Variants in CHD5 observed in about 807,000 individuals in gnomAD.
CHD5 encodes ATP-dependent chromatin remodeler CHD5.
Under a neutral mutation model 230.3 loss-of-function variants are expected in CHD5, and 69 were observed. The ratio of observed to expected loss-of-function variants is 0.30; its 90% CI spans 0.25 to 0.37. The LOEUF is 0.37. CHD5 is among the 10% of genes least tolerant of loss of function. The pLI, the probability that CHD5 is intolerant of heterozygous loss-of-function variation, is 1.00. For synonymous variants in CHD5, 1,064 were observed against 1,065.9 expected (o/e 1.00, Z 0.03); for missense variants, 1,827 against 2,622.8 (o/e 0.70, Z 6.63).
At chr1:6,153,527 C>T (rs1667037242) in intron 5 of CHD5, among the ~76,000 whole-genome samples, 1 of 152,188 alleles carries the variant, frequency 6.6e-6, no homozygotes, top group African/African-American at 2.4e-5. Flanking sequence ...CCCTCAGCCC[C>T]TTCCATCAAA....
At chr1:6,141,264 G>A (rs1438208980) in intron 15 of CHD5, among the ~76,000 whole-genome samples, 2 of 150,780 alleles carry the variant, frequency 1.3e-5, no homozygotes, top group African/African-American at 2.4e-5. Context: ...CAGCCTGGGC[G>A]ACAGAGTGAG....
chr1:6,173,797 G>A (rs923966929), intron 1 of CHD5, among the ~76,000 whole-genome samples: 3 of 152,192 alleles, frequency 2.0e-5, no homozygotes, highest in African/African-American at 7.2e-5. Flanking sequence ...CTAGACGCTG[G>A]CCAAGGAGTT....
Position 6,146,368 on chromosome 1 carries a change from T to C in CHD5, c.1646A>G (p.Asp549Gly). 1 of 1,614,160 alleles carries C rather than the reference T, an allele frequency of 6.2e-7. No individual in the cohort carries two copies. Among genetic ancestry groups the C allele is most frequent in the South Asian group, 1.1e-5 (1 of 91,082 alleles). The change falls in exon 11 of 42, where the codon GAT (aspartate) becomes GGT (glycine). Residue 549 changes from aspartate (D) to glycine (G), a missense_variant. Around this residue, in one of 14 missense-constraint regions of CHD5, gnomAD observed 657 missense variants for 816.4 expected, o/e 0.80. Coordinates refer to ENST00000262450, the MANE Select transcript of CHD5 (RefSeq NM_015557.3). The surrounding 1 kb of genome is among the most constrained non-coding windows in gnomAD (Gnocchi z 5.1). ...GCCGTAGTCAAAGGGGGGCGGCTCA[T>C]CCATGTCGTTCTTTCTTTGGTAGTT... Reference protein sequence around the residue: ...YRNYQRKNDMDEPPPFDYGSG... With the variant: ...YRNYQRKNDMGEPPPFDYGSG...
chr1:6,161,577 C>G (rs1474503886), intron 2 of CHD5, among the ~76,000 whole-genome samples: 1 of 152,244 alleles, frequency 6.6e-6, no homozygotes, highest in East Asian at 1.9e-4. Flanking sequence ...ACTGACACAG[C>G]CACTGGCTGG....
chr1:6,124,290 A>G (rs1015936900), intron 30 of CHD5, among the ~76,000 whole-genome samples, 183 bp from the exon 31 acceptor site: 2 of 40,894 alleles, frequency 4.9e-5, no homozygotes, highest in Non-Finnish European at 1.0e-4. Flanking sequence ...CCACCCTCCC[A>G]CCCTCTGTGT....
chr1:6,131,485 T>C lies in CHD5; in HGVS notation c.3262+146A>G, dbSNP rs1337889341. 3 of 554,106 alleles carry C rather than the reference T, an allele frequency of 5.4e-6. No homozygotes were observed. The highest frequency in any genetic ancestry group is 3.7e-5 in the African/African-American group (2 of 53,532). The allele number at this position is 554,106 out of a possible 1,614,324, so 34.3% of individuals were successfully genotyped here. On this transcript the variant is annotated intron_variant, in intron 21 of 41. Transcript: ENST00000262450. This position sits in a 1 kb window ranked among gnomAD's most constrained non-coding sequence, Gnocchi z 5.0. ...TTCCATGGGAGGAATCCTTTTAACA[T>C]TGGAAACTCGGACTGGCCTGCTGTC...
At chr1:6,179,229 G>C (rs1005835593) in intron 1 of CHD5, among the ~76,000 whole-genome samples, 14 of 152,230 alleles carry the variant, frequency 9.2e-5, no homozygotes, top group African/African-American at 3.1e-4. Context: ...GGCTGGGAAC[G>C]GCCACCACCC....
At chr1:6,120,561 T>G (rs1399180940) in intron 33 of CHD5, among the ~76,000 whole-genome samples, 1 of 150,846 alleles carries the variant, frequency 6.6e-6, no homozygotes, top group East Asian at 1.9e-4. Flanking sequence ...CCCAGCACTT[T>G]GGGAGGCCGA....
At chr1:6,123,004 T>C (rs1571144947) in intron 31 of CHD5, among the ~76,000 whole-genome samples, 1 of 150,466 alleles carries the variant, frequency 6.6e-6, no homozygotes, top group South Asian at 2.1e-4. Flanking sequence ...GAGGCGGAGG[T>C]TGCAGTGAGC....
At chr1:6,138,816 T>G (rs1666783712) in intron 15 of CHD5, among the ~76,000 whole-genome samples, 1 of 152,156 alleles carries the variant, frequency 6.6e-6, no homozygotes, top group Non-Finnish European at 1.5e-5. Context: ...ACACCCATAA[T>G]CCTTCCCATC....
intron 2 of CHD5, among the ~76,000 whole-genome samples, chr1:6,159,975 T>C (rs1316591002): frequency 6.8e-6 from 1 of 147,148 alleles, no homozygotes; most frequent in East Asian, 2.1e-4. Flanking sequence ...AAAAGCAAAG[T>C]GCACAGGAAG....
At position 6,153,827 on chromosome 1, in the gene CHD5, TCAAAACAAAA is replaced by T. The variant is rs111886993; in HGVS notation, c.745+823_745+832del. Among the ~76,000 whole-genome samples the T allele has an allele frequency of 6.1e-3, 923 of 151,800 alleles. 11 individuals are homozygous for T. The highest frequency in any genetic ancestry group is 0.019 in the African/African-American group (793 of 41,310). On this transcript the variant is annotated intron_variant, in intron 5 of 41. Transcript: ENST00000262450. ...GCCTGGGAGACAGAGTGAGAGTCTG[TCAAAACAAAA>T]CAAAACAAAACAAAACAAATCAGGG...
At chr1:6,164,360 T>A (rs1228718113) in intron 2 of CHD5, among the ~76,000 whole-genome samples, 1 of 152,238 alleles carries the variant, frequency 6.6e-6, no homozygotes, top group African/African-American at 2.4e-5. Context: ...AATTTAGCAC[T>A]GAATAATTGG....
At chr1:6,162,096 T>C (rs1443608483) in intron 2 of CHD5, among the ~76,000 whole-genome samples, 2 of 151,978 alleles carry the variant, frequency 1.3e-5, no homozygotes, top group East Asian at 3.9e-4. Context: ...AGAAAATGCC[T>C]TGAGGCTGGG....
At chr1:6,117,265 G>C (rs1373494221) in intron 33 of CHD5, among the ~76,000 whole-genome samples, 1 of 152,160 alleles carries the variant, frequency 6.6e-6, no homozygotes, top group Non-Finnish European at 1.5e-5. Flanking sequence ...CCAGCTAAAA[G>C]ATAGGGACCC....
chr1:6,175,681 AATGGATGG>A (rs545057422), intron 1 of CHD5, among the ~76,000 whole-genome samples: 7 of 147,714 alleles, frequency 4.7e-5, no homozygotes, highest in Non-Finnish European at 7.5e-5. Flanking sequence ...AACAAGAACA[AATGGATGG>A]ATGGATGGAT....
At chr1:6,174,724 G>A (rs1164589001) in intron 1 of CHD5, among the ~76,000 whole-genome samples, 6 of 151,706 alleles carry the variant, frequency 4.0e-5, no homozygotes, top group African/African-American at 1.5e-4. Flanking sequence ...GTGGATGGAT[G>A]GTGAATAAGT....
chr1:6,136,139 G>A (rs925043353), intron 17 of CHD5, among the ~76,000 whole-genome samples: 1 of 152,150 alleles, frequency 6.6e-6, no homozygotes, highest in Non-Finnish European at 1.5e-5. Context: ...ATGGGGCGGT[G>A]GGCTCCGGCC....
intron 1 of CHD5, among the ~76,000 whole-genome samples, chr1:6,174,795 T>C (rs1316886074): frequency 6.6e-6 from 1 of 150,668 alleles, no homozygotes. Context: ...GGTGGATGGA[T>C]GAATGGTGGA....
Sources: allele counts gnomAD v4.1 joint callset (sites outside exome capture counted in the v4.1 genomes callset), GRCh38; gene constraint gnomAD v4.1.1; regional missense constraint gnomAD v4.1.1; non-coding constraint Gnocchi (gnomAD v3.1); transcripts MANE v1.5; gene names NCBI Gene and HGNC (gene_info 2026-07-23, HGNC 2026-07-21).